NEK1: variants seen among roughly 807,000 people sequenced by gnomAD.
NEK1 encodes NIMA related kinase 1.
NEK1 carries 137 observed loss-of-function variants against 182.1 expected under a neutral mutation model. The ratio of observed to expected loss-of-function variants is 0.75; its 90% CI spans 0.65 to 0.87. The LOEUF (loss-of-function observed/expected upper bound fraction) is 0.87. Ranked by LOEUF, NEK1 falls within the 40% of genes least tolerant of loss-of-function variation. The probability of loss-of-function intolerance (pLI) is 0.00; values close to 1 mark genes in which losing one functional copy is unlikely to be tolerated. For missense variants in NEK1, 1,391 were observed against 1,494.4 expected, an observed-to-expected ratio of 0.93 and a Z score of 1.14; for synonymous variants, 513 against 492.2, an observed-to-expected ratio of 1.04 and a Z score of -0.56.
chr4:169,434,804 A>G (rs1311759827), intron 28 of NEK1, among the ~76,000 whole-genome samples: 1 of 152,184 alleles, frequency 6.6e-6, no homozygotes, highest in African/African-American at 2.4e-5. Flanking sequence ...TATTCAAATG[A>G]TTATTTTGGT....
chr4:169,535,076 T>C (rs1375470534), intron 19 of NEK1, among the ~76,000 whole-genome samples: 3 of 152,132 alleles, frequency 2.0e-5, no homozygotes, highest in Non-Finnish European at 4.4e-5. Flanking sequence ...TCTCAGCAAT[T>C]TGGGAGGCTG....
intron 27 of NEK1, among the ~76,000 whole-genome samples, chr4:169,461,581 T>G (rs1743978253): frequency 6.6e-6 from 1 of 152,164 alleles, no homozygotes; most frequent in Non-Finnish European, 1.5e-5. Flanking sequence ...TTGCCACATG[T>G]GATTTCGATG....
At chr4:169,470,073 C>T (rs139320554) in intron 26 of NEK1, among the ~76,000 whole-genome samples, 1 of 151,532 alleles carries the variant, frequency 6.6e-6, no homozygotes, top group Non-Finnish European at 1.5e-5. Context: ...AGTCTTGACT[C>T]TTTATCCAAT....
chr4:169,491,970 T>C (rs1169841621), intron 23 of NEK1, among the ~76,000 whole-genome samples: 1 of 152,162 alleles, frequency 6.6e-6, no homozygotes, highest in Non-Finnish European at 1.5e-5. Context: ...GTAAGCCTCA[T>C]GATTAACTAC....
intron 23 of NEK1, among the ~76,000 whole-genome samples, chr4:169,501,731 CCT>C (rs920994917): frequency 6.6e-6 from 1 of 151,986 alleles, no homozygotes. Flanking sequence ...CATACCAAAA[CCT>C]CTGAGATATG....
At chr4:169,466,610 T>C (rs1057448566) in intron 26 of NEK1, among the ~76,000 whole-genome samples, 1 of 151,986 alleles carries the variant, frequency 6.6e-6, no homozygotes, top group Admixed American at 6.6e-5. Flanking sequence ...ATAAAAACTT[T>C]TACAAACATT....
intron 3 of NEK1, among the ~76,000 whole-genome samples, 166 bp from the exon 4 acceptor site, chr4:169,602,270 T>C (rs983346581): frequency 2.4e-4 from 36 of 152,190 alleles, no homozygotes; most frequent in African/African-American, 8.7e-4. Context: ...AGAAACATTT[T>C]AAGATGTCCA....
At chr4:169,472,166 CAAAAAAAACA>C (rs1018447566) in intron 26 of NEK1, among the ~76,000 whole-genome samples, 7 of 150,106 alleles carry the variant, frequency 4.7e-5, no homozygotes, top group Admixed American at 4.0e-4. Flanking sequence ...GTACAAAAAA[CAAAAAAAACA>C]AAAAAAAACA....
intron 18 of NEK1, among the ~76,000 whole-genome samples, chr4:169,546,546 T>G (rs1269550716): frequency 6.6e-6 from 1 of 152,208 alleles, no homozygotes; most frequent in Non-Finnish European, 1.5e-5. Context: ...TTGTTAATTT[T>G]GTGTCTCATT....
intron 35 of NEK1, among the ~76,000 whole-genome samples, chr4:169,398,932 A>C (rs1282777173): frequency 6.6e-6 from 1 of 152,176 alleles, no homozygotes; most frequent in East Asian, 1.9e-4. Flanking sequence ...TCTTGTTCAA[A>C]ATTTTACATA....
At chr4:169,477,779 ATT>A (rs1331254039) in intron 24 of NEK1, among the ~76,000 whole-genome samples, 1 of 151,966 alleles carries the variant, frequency 6.6e-6, no homozygotes, top group African/African-American at 2.4e-5. Context: ...TTGGTACCTG[ATT>A]TTTTGGTAAT....
intron 27 of NEK1, among the ~76,000 whole-genome samples, chr4:169,452,044 T>A (rs1741899843): frequency 6.6e-6 from 1 of 152,182 alleles, no homozygotes; most frequent in Admixed American, 6.5e-5. Context: ...AAGAAATGCA[T>A]ACATTCCTGG....
intron 31 of NEK1, among the ~76,000 whole-genome samples, chr4:169,417,787 C>G (rs1032291308): frequency 1.3e-5 from 2 of 152,114 alleles, no homozygotes; most frequent in Admixed American, 6.5e-5. Flanking sequence ...CAATAAGCAG[C>G]ACAAGACTGT....
Position 169,514,680 on chromosome 4 carries a change from G to A in NEK1, c.1666-5828C>T, listed in dbSNP as rs1036366771. On this transcript the variant is annotated intron_variant, in intron 19 of 35. Transcript: ENST00000507142. ...TAAAGTTGAATTTATCCTTTTAATT[G>A]TTACAAGATCTATAATTATACCCAT... Among the ~76,000 whole-genome samples, 10 of 152,214 alleles carry A rather than the reference G, an allele frequency of 6.6e-5. No individual in the cohort carries two copies. The East Asian group carries it at 9.6e-4, about 15-fold the overall frequency.
chr4:169,428,166 T>C (rs1222802949), intron 29 of NEK1, among the ~76,000 whole-genome samples: 5 of 151,594 alleles, frequency 3.3e-5, no homozygotes, highest in Admixed American at 2.0e-4. Context: ...CCTTGGTTCC[T>C]CAAAAAGGTA....
At chr4:169,452,698 G>A (rs1742062352) in intron 27 of NEK1, among the ~76,000 whole-genome samples, 1 of 152,114 alleles carries the variant, frequency 6.6e-6, no homozygotes, top group Admixed American at 6.5e-5. Flanking sequence ...CAAACCCACA[G>A]CCAGTATCAT....
chr4:169,541,711 CA>C (rs1293311691), intron 18 of NEK1, among the ~76,000 whole-genome samples: 1 of 152,156 alleles, frequency 6.6e-6, no homozygotes, highest in African/African-American at 2.4e-5. Context: ...CAGTACAAGA[CA>C]AAAGAACCAT....
intron 12 of NEK1, among the ~76,000 whole-genome samples, chr4:169,575,531 G>A (rs1436648266): frequency 6.6e-6 from 1 of 152,214 alleles, no homozygotes; most frequent in Non-Finnish European, 1.5e-5. Context: ...GCACCTGCAA[G>A]AAGAGCTTCC....
intron 21 of NEK1, 53 bp downstream of exon 21, chr4:169,508,195 T>C: frequency 4.2e-6 from 6 of 1,445,652 alleles, no homozygotes; most frequent in Non-Finnish European, 5.6e-6. Flanking sequence ...TTTTAAATGT[T>C]AACCTACTAT....
Sources: allele counts gnomAD v4.1 joint callset (sites outside exome capture counted in the v4.1 genomes callset), GRCh38; gene constraint gnomAD v4.1.1; transcripts MANE v1.5; gene names NCBI Gene and HGNC (gene_info 2026-07-23, HGNC 2026-07-21).